The following PRKD3 variants were observed in gnomAD, a reference collection of about 807,000 sequenced individuals.
The protein encoded by PRKD3 is serine/threonine-protein kinase D3.
A neutral mutation model predicts 99.2 loss-of-function variants in PRKD3; 47 were observed. The observed-to-expected ratio is 0.47, with a 90% CI of 0.38 to 0.60. The LOEUF (loss-of-function observed/expected upper bound fraction) is 0.60, where lower values mean the gene tolerates loss of function less well. Ranked by LOEUF, PRKD3 falls within the 20% of genes least tolerant of loss-of-function variation. The probability of loss-of-function intolerance (pLI) is 0.00; values close to 1 mark genes in which losing one functional copy is unlikely to be tolerated. For missense variants in PRKD3, 1,019 were observed against 1,088.4 expected (o/e 0.94, Z 0.90); for synonymous variants, 392 against 355.4 (o/e 1.10, Z -1.16).
intron 14 of PRKD3, among the ~76,000 whole-genome samples, chr2:37,262,043 TAA>T (rs1668502132): frequency 6.6e-6 from 1 of 152,212 alleles, no homozygotes; most frequent in African/African-American, 2.4e-5. Context: ...TACACGGGGC[TAA>T]GTTGTGTTCA....
chr2:37,292,454 T>C (rs1477612913), intron 3 of PRKD3, among the ~76,000 whole-genome samples: 1 of 151,926 alleles, frequency 6.6e-6, no homozygotes, highest in African/African-American at 2.4e-5. Context: ...CACGCCATTC[T>C]CCTGCCTGAG....
At chr2:37,309,795 C>T (rs1245451812) in intron 2 of PRKD3, among the ~76,000 whole-genome samples, 1 of 147,684 alleles carries the variant, frequency 6.8e-6, no homozygotes, top group African/African-American at 2.5e-5. Flanking sequence ...TTGCAGTGAG[C>T]CGAGATCGCG....
intron 8 of PRKD3, among the ~76,000 whole-genome samples, 165 bp downstream of exon 8, chr2:37,279,581 T>C (rs1669739960): frequency 6.6e-6 from 1 of 151,934 alleles, no homozygotes; most frequent in African/African-American, 2.4e-5. Flanking sequence ...AAGGGTGATA[T>C]AATTTATTTC....
Position 37,317,087 on chromosome 2 carries a change from C to A in PRKD3, c.-563G>T, listed in dbSNP as rs746012488. 2.0e-6 allele frequency: 2 copies of A among 985,094 alleles called. No homozygotes were observed. Among genetic ancestry groups the A allele is most frequent in the Admixed American group, 6.2e-5 (1 of 16,254 alleles). The allele number at this position is 985,094 out of a possible 1,614,324, so 61.0% of individuals were successfully genotyped here. ...TCTGGGGGGATGAACTTTTCTATGA[C>A]GAAATACAAAGCTTTTTAAAATAGT... On this transcript the variant is annotated 5_prime_UTR_variant, in exon 2 of 19. Transcript: ENST00000234179.
At chr2:37,275,726 C>T in intron 10 of PRKD3, 41 bp downstream of exon 10, 1 of 1,533,258 alleles carries the variant, frequency 6.5e-7, no homozygotes, top group Non-Finnish European at 8.8e-7. Flanking sequence ...AAAACATACA[C>T]TATCTTAATG....
intron 2 of PRKD3, among the ~76,000 whole-genome samples, chr2:37,298,215 G>C (rs1209392817): frequency 6.6e-6 from 1 of 152,128 alleles, no homozygotes; most frequent in South Asian, 2.1e-4. Flanking sequence ...CCATGCCCTA[G>C]CTGCCTCATT....
rs1669329985 is a variant in PRKD3 at position 37,272,434 on chromosome 2, T to C, written c.1652-2A>G. 3 of 1,601,236 alleles carry C rather than the reference T, an allele frequency of 1.9e-6. No individual in the cohort carries two copies. The highest frequency in any genetic ancestry group is 2.2e-5 in the East Asian group (1 of 44,472). ...CAGAGATACTTGTAGACAAATCTTCTGTAAAATATAAAAAAGACAAAATTT... is the reference window on the plus strand; with the variant it reads ...CAGAGATACTTGTAGACAAATCTTCCGTAAAATATAAAAAAGACAAAATTT... On this transcript the variant is annotated splice_acceptor_variant, in intron 11 of 18. Transcript: ENST00000234179. LOFTEE classifies it high-confidence loss of function.
At chr2:37,264,308 A>T (rs1198287231) in intron 14 of PRKD3, among the ~76,000 whole-genome samples, 1 of 152,222 alleles carries the variant, frequency 6.6e-6, no homozygotes, top group Non-Finnish European at 1.5e-5. Flanking sequence ...ACATTTATTC[A>T]TTAAATATTA....
intron 6 of PRKD3, among the ~76,000 whole-genome samples, chr2:37,283,488 A>C (rs1669948783): frequency 6.6e-6 from 1 of 152,254 alleles, no homozygotes; most frequent in Non-Finnish European, 1.5e-5. Flanking sequence ...GCACAGGCTA[A>C]AGATCATTAT....
chr2:37,320,856 A>G (rs969562655), intron 1 of PRKD3, among the ~76,000 whole-genome samples: 2 of 152,220 alleles, frequency 1.3e-5, no homozygotes, highest in African/African-American at 4.8e-5. Flanking sequence ...ACAACTATTC[A>G]TAATAAACAC....
At chr2:37,318,584 G>A (rs1357409014) in intron 1 of PRKD3, among the ~76,000 whole-genome samples, 1 of 152,156 alleles carries the variant, frequency 6.6e-6, no homozygotes, top group African/African-American at 2.4e-5. Flanking sequence ...TTGAGAAATC[G>A]CACAGAAAGA....
chr2:37,300,285 A>G (rs1329209681), intron 2 of PRKD3, among the ~76,000 whole-genome samples: 1 of 152,168 alleles, frequency 6.6e-6, no homozygotes, highest in Non-Finnish European at 1.5e-5. Flanking sequence ...AAAGACAAGT[A>G]TTGCATGTTC....
chr2:37,303,518 T>C (rs1422018337), intron 2 of PRKD3, among the ~76,000 whole-genome samples: 3 of 152,004 alleles, frequency 2.0e-5, no homozygotes, highest in African/African-American at 7.2e-5. Context: ...TAAGTGCCGC[T>C]GTGGGGCCCT....
intron 2 of PRKD3, among the ~76,000 whole-genome samples, chr2:37,311,866 G>C (rs1475978314): frequency 1.3e-5 from 2 of 152,128 alleles, no homozygotes; most frequent in Non-Finnish European, 2.9e-5. Context: ...CAAAGGACCT[G>C]ATTTAATTGG....
intron 4 of PRKD3, among the ~76,000 whole-genome samples, chr2:37,290,293 A>G (rs1265698815): frequency 6.6e-6 from 1 of 152,074 alleles, no homozygotes; most frequent in Non-Finnish European, 1.5e-5. Context: ...CAATGGTGCA[A>G]TCTCGGCTCC....
At chr2:37,314,644 ATAAG>A (rs914828738) in intron 2 of PRKD3, among the ~76,000 whole-genome samples, 63 of 152,272 alleles carry the variant, frequency 4.1e-4, no homozygotes, top group African/African-American at 1.4e-3. Context: ...TGTGCAAAAA[ATAAG>A]TAAATGAAAT....
Position 37,253,156 on chromosome 2 carries a change from T to G in PRKD3, c.*21A>C. 2 of 1,569,790 alleles carry G rather than the reference T, an allele frequency of 1.3e-6. No individual in the cohort carries two copies. The highest frequency in any genetic ancestry group is 1.7e-6 in the Non-Finnish European group (2 of 1,151,982). On this transcript the variant is annotated 3_prime_UTR_variant, in exon 19 of 19. Transcript: ENST00000234179. The stretch of plus-strand genomic sequence containing the variant: ...TCAGTCCATAAAATGAAATCCTTCC[T>G]TATTTAGGTTAGCTCAGTGATTAAG...
At chr2:37,312,338 C>T (rs1671462223) in intron 2 of PRKD3, among the ~76,000 whole-genome samples, 1 of 152,158 alleles carries the variant, frequency 6.6e-6, no homozygotes, top group Non-Finnish European at 1.5e-5. Context: ...GCTTGGTTCA[C>T]ACCCCTTCAA....
chr2:37,283,803 G>A (rs1433850132), intron 6 of PRKD3, among the ~76,000 whole-genome samples: 1 of 151,146 alleles, frequency 6.6e-6, no homozygotes, highest in Non-Finnish European at 1.5e-5. Flanking sequence ...CCCGGCCAAC[G>A]TGGCAAAACC....
Sources: allele counts gnomAD v4.1 joint callset (sites outside exome capture counted in the v4.1 genomes callset), GRCh38; gene constraint gnomAD v4.1.1; transcripts MANE v1.5; gene names NCBI Gene and HGNC (gene_info 2026-07-23, HGNC 2026-07-21).